ZNF331: variants seen among roughly 807,000 people sequenced by gnomAD.
ZNF331 encodes the protein C2H2-like zinc finger protein rearranged in thyroid adenomas.
In ZNF331, 2 loss-of-function variants were observed where a neutral mutation model predicts 7.0. That is an observed-to-expected ratio of 0.29 (90% CI 0.12 to 0.90). The LOEUF is 0.90. ZNF331 is among the 40% of genes least tolerant of loss of function. The probability of loss-of-function intolerance (pLI) is 0.58; values close to 1 mark genes in which losing one functional copy is unlikely to be tolerated. For synonymous variants in ZNF331, 196 were observed against 205.4 expected (o/e 0.95, Z 0.39); for missense variants, 432 against 587.7 (o/e 0.74, Z 2.74).
At chr19:53,521,582 C>T in exon 1 of ZNF331, 1 of 152,514 alleles carries the variant, frequency 6.6e-6, no homozygotes, top group African/African-American at 2.4e-5. Flanking sequence ...AGGGGTGACG[C>T]AGCCGGGCTG....
At chr19:53,505,347 G>A in the ZNF331 span, among the ~76,000 whole-genome samples, 1 of 152,082 alleles carries the variant, frequency 6.6e-6, no homozygotes, top group Non-Finnish European at 1.5e-5. Flanking sequence ...GAGTGCAATG[G>A]TGCCATCTTG....
chr19:53,531,993 GATAA>G (rs1312653745), intron 2 of ZNF331, among the ~76,000 whole-genome samples: 2 of 150,968 alleles, frequency 1.3e-5, no homozygotes, highest in African/African-American at 2.4e-5. Flanking sequence ...ATTTTTATTT[GATAA>G]ATAACAAATT....
At position 53,569,282 on chromosome 19, in the gene ZNF331, ATC is replaced by A. The variant is rs1478488914; in HGVS notation, c.-73-18_-73-17del. On this transcript the variant is annotated intron_variant, in intron 3 of 5. Transcript: ENST00000449416. ...GGGACCCCAGATGCACCTCGTTTTA[ATC>A]TCTTTTTTTCCACCCCTAGCTCTAG... 16 of 1,436,314 alleles carry A rather than the reference ATC, an allele frequency of 1.1e-5. No individual in the cohort carries two copies. In the East Asian group the frequency reaches 3.6e-4, roughly 33 times the overall value. The allele number at this position is 1,436,314 out of a possible 1,614,324, so 89.0% of individuals were successfully genotyped here. A position where few individuals can be genotyped will look rare whatever the true frequency, so the allele number is the denominator to read the frequency against.
upstream of ZNF331, among the ~76,000 whole-genome samples, chr19:53,534,667 A>G (rs1310496711): frequency 6.6e-6 from 1 of 152,082 alleles, no homozygotes; most frequent in Non-Finnish European, 1.5e-5. Flanking sequence ...CTGTCATCAC[A>G]TGTTTCTCTT....
rs374231797 is a variant in ZNF331 at position 53,551,323 on chromosome 19, C to T, written c.-137-4522C>T. On this transcript the variant is annotated intron_variant, in intron 2 of 5. Transcript: ENST00000449416. The stretch of plus-strand genomic sequence containing the variant: ...TATATGTTTATAGTCCTCCACTTCC[C>T]CTCTAAACATGTATGTGCTTTTGTT... Among the ~76,000 whole-genome samples the T allele has an allele frequency of 8.5e-5, 13 of 152,188 alleles. 1 individual carries two copies. The South Asian group carries it at 2.7e-3, about 32-fold the overall frequency.
At chr19:53,549,693 CAA>C (rs34058079) in intron 2 of ZNF331, among the ~76,000 whole-genome samples, 10,718 of 140,632 alleles carry the variant, frequency 0.076, 411 homozygotes, top group African/African-American at 0.11. Context: ...GACTCTGTCT[CAA>C]AAAAAAAAAA....
chr19:53,519,783 G>A (rs775410217), upstream of ZNF331, among the ~76,000 whole-genome samples: 13 of 152,020 alleles, frequency 8.6e-5, no homozygotes, highest in Non-Finnish European at 1.3e-4. Flanking sequence ...GGTCACTCCC[G>A]TGGAACCTAC....
intron 4 of ZNF331, among the ~76,000 whole-genome samples, chr19:53,569,914 T>C (rs2090353138): frequency 3.3e-5 from 5 of 152,176 alleles, no homozygotes; most frequent in Admixed American, 2.0e-4. Flanking sequence ...AATGGATCTC[T>C]CAGACCACAA....
chr19:53,516,539 C>G (rs1390442333), upstream of ZNF331, among the ~76,000 whole-genome samples: 1 of 152,030 alleles, frequency 6.6e-6, no homozygotes, highest in East Asian at 1.9e-4. Flanking sequence ...AAACAGAGCA[C>G]TTCTGTTTTC....
At chr19:53,563,592 T>TAAAA (rs147646452) in intron 3 of ZNF331, among the ~76,000 whole-genome samples, 1 of 147,764 alleles carries the variant, frequency 6.8e-6, no homozygotes, top group African/African-American at 2.5e-5. Flanking sequence ...TTAATGTAAG[T>TAAAA]AAAAAAAAAA....
intron 2 of ZNF331, among the ~76,000 whole-genome samples, chr19:53,548,028 C>A (rs1327976561): frequency 6.6e-6 from 1 of 152,174 alleles, no homozygotes; most frequent in Non-Finnish European, 1.5e-5. Context: ...CTCCTGGACC[C>A]AAGCAATCCT....
intron 2 of ZNF331, among the ~76,000 whole-genome samples, chr19:53,550,012 C>A (rs1036807350): frequency 6.6e-6 from 1 of 152,162 alleles, no homozygotes; most frequent in African/African-American, 2.4e-5. Context: ...AGCATCATGT[C>A]GATTAATATC....
chr19:53,528,397 A>C (rs1426914961), intron 2 of ZNF331, among the ~76,000 whole-genome samples: 2 of 152,250 alleles, frequency 1.3e-5, no homozygotes, highest in Non-Finnish European at 2.9e-5. Context: ...ATGTAATGTC[A>C]GTGATCTTTA....
At chr19:53,530,889 A>G (rs965173522) in intron 2 of ZNF331, among the ~76,000 whole-genome samples, 1 of 152,152 alleles carries the variant, frequency 6.6e-6, no homozygotes, top group Admixed American at 6.5e-5. Flanking sequence ...CTTGGGGGCA[A>G]TGGGACCCAT....
rs2147740841 is a variant in ZNF331, at chr19:53,580,139, T to C, written c.*2187T>C. ...GAAGGAGGATAAGGGAGCGAGGTGATGGATATGTTAATTAGCTTGATTTAA... is the reference window on the plus strand; with the variant it reads ...GAAGGAGGATAAGGGAGCGAGGTGACGGATATGTTAATTAGCTTGATTTAA... On this transcript the variant is annotated 3_prime_UTR_variant, in exon 6 of 6. Coordinates refer to ENST00000449416, the MANE Select transcript of ZNF331 (RefSeq NM_001079906.2). 4.8e-6 allele frequency: 1 copy of C among 207,390 alleles called. No homozygotes were observed. Among genetic ancestry groups the C allele is most frequent in the East Asian group, 7.4e-5 (1 of 13,528 alleles). The allele number at this position is 207,390 out of a possible 1,614,324, so 12.8% of individuals were successfully genotyped here. A position where few individuals can be genotyped will look rare whatever the true frequency, so the allele number is the denominator to read the frequency against.
chr19:53,525,638 C>T (rs73049554), intron 2 of ZNF331, among the ~76,000 whole-genome samples: 12,585 of 152,154 alleles, frequency 0.083, 594 homozygotes, highest in Non-Finnish European at 0.11. Context: ...TTAATGTTGA[C>T]GTTGCATACT....
At chr19:53,563,776 G>A in intron 3 of ZNF331, 1 of 151,956 alleles carries the variant, frequency 6.6e-6, no homozygotes, top group East Asian at 1.9e-4. Context: ...TACCAGTGAG[G>A]AAACCGACAC....
chr19:53,536,020 T>A (rs1227058271), upstream of ZNF331, among the ~76,000 whole-genome samples: 2 of 152,270 alleles, frequency 1.3e-5, no homozygotes, highest in Middle Eastern at 3.4e-3. Context: ...CCCAGGTTGG[T>A]CTTGAACTTC....
At chr19:53,567,789 G>A (rs573344243) in intron 3 of ZNF331, among the ~76,000 whole-genome samples, 5 of 151,768 alleles carry the variant, frequency 3.3e-5, no homozygotes, top group African/African-American at 1.2e-4. Context: ...GCTGCAGTGA[G>A]CTGAGATTGT....
Sources: gnomAD v4.1 joint callset for allele counts (sites outside exome capture counted in the v4.1 genomes callset) on GRCh38, gnomAD v4.1.1 for gene constraint, MANE v1.5 for transcripts, NCBI Gene and HGNC (gene_info 2026-07-23, HGNC 2026-07-21) for gene names.